Variants in BACH2 observed in about 807,000 individuals in gnomAD.
BACH2 encodes BACH transcriptional regulator 2, also known as transcription regulator protein BACH2.
BACH2 carries 5 observed loss-of-function variants against 61.8 expected under a neutral mutation model. The observed-to-expected ratio is 0.08, with a 90% CI of 0.04 to 0.17. The LOEUF (loss-of-function observed/expected upper bound fraction) is 0.17. Ranked by LOEUF, BACH2 falls within the 10% of genes least tolerant of loss-of-function variation. BACH2 has a pLI of 1.00. For missense variants in BACH2, 824 were observed against 1,091.1 expected (o/e 0.76, Z 3.45); for synonymous variants, 446 against 440.1 (o/e 1.01, Z -0.17).
intron 6 of BACH2, among the ~76,000 whole-genome samples, chr6:89,984,122 C>T (rs1398516185): frequency 6.6e-6 from 1 of 152,158 alleles, no homozygotes; most frequent in African/African-American, 2.4e-5. Context: ...TCCTCTCTCC[C>T]ACCATGTCCT....
intron 4 of BACH2, among the ~76,000 whole-genome samples, chr6:90,112,527 T>C (rs1410006545): frequency 6.6e-6 from 1 of 152,180 alleles, no homozygotes; most frequent in Admixed American, 6.5e-5. Context: ...AAGGAGAAAT[T>C]AGATCCTTTT....
chr6:90,016,187 T>C (rs1778050496), intron 5 of BACH2, among the ~76,000 whole-genome samples: 1 of 152,152 alleles, frequency 6.6e-6, no homozygotes, highest in Non-Finnish European at 1.5e-5. Flanking sequence ...AACATATAAT[T>C]GGGTCTTGCT....
At chr6:90,115,552 C>T (rs567656546) in intron 4 of BACH2, among the ~76,000 whole-genome samples, 4 of 152,058 alleles carry the variant, frequency 2.6e-5, no homozygotes, top group South Asian at 4.2e-4. Flanking sequence ...TGTAAAACTC[C>T]AAACTATAAA....
At chr6:90,023,342 A>G (rs777700050) in intron 5 of BACH2, among the ~76,000 whole-genome samples, 5 of 152,054 alleles carry the variant, frequency 3.3e-5, no homozygotes, top group Non-Finnish European at 7.4e-5. Context: ...TGTTGCCTCA[A>G]TAGTGAGTTA....
intron 6 of BACH2, among the ~76,000 whole-genome samples, chr6:89,989,929 GC>G (rs1644591594): frequency 6.6e-6 from 1 of 152,178 alleles, no homozygotes; most frequent in Non-Finnish European, 1.5e-5. Flanking sequence ...ATGGACTCAT[GC>G]GTGGGGCATA....
At chr6:90,190,232 C>T (rs1040583011) in intron 4 of BACH2, among the ~76,000 whole-genome samples, 4 of 152,120 alleles carry the variant, frequency 2.6e-5, no homozygotes, top group East Asian at 1.9e-4. Flanking sequence ...CGTGAGCCAC[C>T]GCAAGCAGCC....
rs367693277 is a variant in BACH2, at chr6:90,100,728, G to GACACACACAC, written c.-161-11629_-161-11620dup. Among the ~76,000 whole-genome samples the GACACACACAC allele has an allele frequency of 4.2e-4, 60 of 142,370 alleles. 1 individual carries two copies. The highest frequency in any genetic ancestry group is 1.3e-3 in the African/African-American group (48 of 38,366). 93.4% of individuals were successfully genotyped at this position (142,370 alleles called of 152,430 possible). On this transcript the variant is annotated intron_variant, in intron 4 of 8. Coordinates refer to ENST00000257749, the MANE Select transcript of BACH2 (RefSeq NM_021813.4). ...ACACACACACACACACACACACACA[G>GACACACACAC]ACACACACACACACACACACACCCT...
At chr6:90,222,135 G>C (rs1769756220) in intron 3 of BACH2, among the ~76,000 whole-genome samples, 2 of 152,122 alleles carry the variant, frequency 1.3e-5, no homozygotes, top group African/African-American at 4.8e-5. Flanking sequence ...ACAGGGTGTG[G>C]ATTCTACACT....
chr6:89,960,333 G>A (rs535864953), intron 6 of BACH2, among the ~76,000 whole-genome samples: 58 of 152,362 alleles, frequency 3.8e-4, no homozygotes, highest in African/African-American at 9.9e-4. Flanking sequence ...TCACAGGGCT[G>A]CCTGGCCAGG....
rs182694584 is a variant in BACH2 at position 89,972,036 on chromosome 6, G to A, written c.244-20174C>T. The stretch of plus-strand genomic sequence containing the variant: ...TTAGTTAGGTTTTGGGTGGGAGCTG[G>A]TGTTCCAGATGGAAGAAATGAAATG... On this transcript the variant is annotated intron_variant, in intron 6 of 8. Coordinates refer to ENST00000257749, the MANE Select transcript of BACH2 (RefSeq NM_021813.4). 2.0e-5 allele frequency among the ~76,000 whole-genome samples: 3 copies of A among 152,346 alleles called. No individual in the cohort carries two copies. The East Asian group carries it at 5.8e-4, about 29-fold the overall frequency.
chr6:90,178,850 G>A (rs1483279072), intron 4 of BACH2, among the ~76,000 whole-genome samples: 1 of 152,210 alleles, frequency 6.6e-6, no homozygotes, highest in East Asian at 1.9e-4. Context: ...CACCCAGTGT[G>A]TTCCTGGGAG....
rs140798860 is a variant in BACH2 at position 89,975,280 on chromosome 6, C to G, written c.244-23418G>C. Among the ~76,000 whole-genome samples the G allele has an allele frequency of 2.3e-3, 343 of 152,332 alleles. 7 individuals are homozygous for G. Among genetic ancestry groups the G allele is most frequent in the African/African-American group, 7.5e-3 (310 of 41,574 alleles). ...GATAAAAATGAATATTGTATTTCTACTTGCTAGCAACTATCTTGGTATGGA... is the reference window on the plus strand; with the variant it reads ...GATAAAAATGAATATTGTATTTCTAGTTGCTAGCAACTATCTTGGTATGGA... On this transcript the variant is annotated intron_variant, in intron 6 of 8. Transcript: ENST00000257749.
At chr6:90,204,674 T>C (rs1459847556) in intron 4 of BACH2, among the ~76,000 whole-genome samples, 1 of 152,212 alleles carries the variant, frequency 6.6e-6, no homozygotes, top group Non-Finnish European at 1.5e-5. Context: ...CACAGCAAAC[T>C]GCATTTGCTG....
intron 4 of BACH2, among the ~76,000 whole-genome samples, chr6:90,142,637 C>T (rs149741754): frequency 1.3e-5 from 2 of 151,958 alleles, no homozygotes; most frequent in East Asian, 3.9e-4. Flanking sequence ...AATGTTTGGC[C>T]AAACAAAACC....
At chr6:90,233,240 C>T (rs1470055186) in intron 3 of BACH2, among the ~76,000 whole-genome samples, 2 of 152,194 alleles carry the variant, frequency 1.3e-5, no homozygotes, top group Non-Finnish European at 2.9e-5. Context: ...TTTGGCCAGA[C>T]CCCAGAAGAC....
At chr6:90,105,492 C>A (rs1782861084) in intron 4 of BACH2, among the ~76,000 whole-genome samples, 1 of 152,106 alleles carries the variant, frequency 6.6e-6, no homozygotes, top group Non-Finnish European at 1.5e-5. Context: ...CAGTGGGAGA[C>A]AAACCAGCAG....
intron 4 of BACH2, among the ~76,000 whole-genome samples, chr6:90,116,126 T>A (rs184732145): frequency 2.4e-4 from 37 of 152,260 alleles, no homozygotes; most frequent in Admixed American, 2.1e-3. Context: ...AAAGCAGAAT[T>A]ACCATTTGAT....
Position 90,154,885 on chromosome 6 carries a change from C to T in BACH2, c.-162+51684G>A, listed in dbSNP as rs537475742. Among the ~76,000 whole-genome samples the T allele has an allele frequency of 2.0e-5, 3 of 152,180 alleles. No individual in the cohort carries two copies. In the East Asian group the frequency reaches 5.8e-4, roughly 29 times the overall value. On this transcript the variant is annotated intron_variant, in intron 4 of 8. Coordinates refer to ENST00000257749, the MANE Select transcript of BACH2 (RefSeq NM_021813.4). ...TACAGCCACAGACAATGGGATAACC[C>T]ACATGCTGGCCCCTCCCAGTCAGCT...
At chr6:90,160,023 TC>T (rs1785135899) in intron 4 of BACH2, among the ~76,000 whole-genome samples, 1 of 152,200 alleles carries the variant, frequency 6.6e-6, no homozygotes, top group Admixed American at 6.5e-5. Context: ...TGCAGTTTCC[TC>T]CTAAAAACTT....
Sources: allele counts gnomAD v4.1 joint callset (sites outside exome capture counted in the v4.1 genomes callset), GRCh38; gene constraint gnomAD v4.1.1; transcripts MANE v1.5; gene names NCBI Gene and HGNC (gene_info 2026-07-23, HGNC 2026-07-21).